Variants in NIBAN1 observed in about 807,000 individuals in gnomAD.
NIBAN1 encodes protein Niban 1.
Under a neutral mutation model 75.1 loss-of-function variants are expected in NIBAN1, and 81 were observed. The ratio of observed to expected loss-of-function variants is 1.08; its 90% confidence interval spans 0.90 to 1.30. The LOEUF is 1.30. Among genes scored for constraint, NIBAN1 ranks in the 50% most tolerant of loss-of-function variants. NIBAN1 has a pLI of 0.00. For missense variants in NIBAN1, 1,133 were observed against 1,128.1 expected, an observed-to-expected ratio of 1.00 and a Z score of -0.06; for synonymous variants, 436 against 424.8, an observed-to-expected ratio of 1.03 and a Z score of -0.32.
intron 3 of NIBAN1, among the ~76,000 whole-genome samples, chr1:184,890,617 G>A (rs889595726): frequency 2.6e-5 from 4 of 152,216 alleles, no homozygotes; most frequent in Admixed American, 6.5e-5. Flanking sequence ...CAGAATGCTT[G>A]GTGACTGATG....
chr1:184,808,005 A>G, intron 10 of NIBAN1, 69 bp downstream of exon 10: 8 of 1,562,118 alleles, frequency 5.1e-6, no homozygotes, highest in Non-Finnish European at 7.1e-6. Flanking sequence ...AGCTGGTCTC[A>G]CTGGCCAGCA....
At chr1:184,889,387 A>G (rs1457549048) in intron 4 of NIBAN1, among the ~76,000 whole-genome samples, 4 of 152,236 alleles carry the variant, frequency 2.6e-5, no homozygotes, top group Non-Finnish European at 1.5e-5. Context: ...TCTCCCAATT[A>G]TCTTTCCATG....
chr1:184,966,603 G>A (rs1371206036), intron 1 of NIBAN1, among the ~76,000 whole-genome samples: 1 of 152,190 alleles, frequency 6.6e-6, no homozygotes, highest in African/African-American at 2.4e-5. Context: ...AAGAGGTCTA[G>A]AACTGGGACG....
chr1:184,816,500 A>C (rs1268549689), intron 9 of NIBAN1, among the ~76,000 whole-genome samples: 9 of 152,228 alleles, frequency 5.9e-5, no homozygotes, highest in African/African-American at 2.2e-4. Flanking sequence ...AATTATTTTT[A>C]AACAAAATTT....
At chr1:184,915,819 G>T (rs1348541181) in intron 1 of NIBAN1, among the ~76,000 whole-genome samples, 3 of 152,196 alleles carry the variant, frequency 2.0e-5, no homozygotes, top group African/African-American at 7.2e-5. Flanking sequence ...CATAGCAAAG[G>T]CTTCCTTAAT....
rs114977752 is a variant in NIBAN1, at chr1:184,820,142, G to T, written c.986-1317C>A. Reference sequence around the variant, plus strand: ...AGAGTCTTCTAAAAATGACTTGCTTGACACTAAAGTGTAAAACTGTTTGTC... The same window carrying T: ...AGAGTCTTCTAAAAATGACTTGCTTTACACTAAAGTGTAAAACTGTTTGTC... On this transcript the variant is annotated intron_variant, in intron 8 of 13. Transcript: ENST00000367511. Among the ~76,000 whole-genome samples, 324 of 152,284 alleles carry T rather than the reference G, an allele frequency of 2.1e-3. 1 individual carries two copies. The highest frequency in any genetic ancestry group is 7.5e-3 in the African/African-American group (312 of 41,574).
At chr1:184,947,564 C>A (rs1658261850) in intron 1 of NIBAN1, among the ~76,000 whole-genome samples, 1 of 152,204 alleles carries the variant, frequency 6.6e-6, no homozygotes, top group African/African-American at 2.4e-5. Flanking sequence ...GCAATAATTT[C>A]TTAAAAGGCC....
intron 11 of NIBAN1, among the ~76,000 whole-genome samples, chr1:184,804,338 T>C (rs1008755129): frequency 1.3e-5 from 2 of 152,200 alleles, no homozygotes; most frequent in African/African-American, 4.8e-5. Context: ...GTGTTTATAC[T>C]GGAGATAATA....
chr1:184,964,565 G>A (rs1658730234), intron 1 of NIBAN1, among the ~76,000 whole-genome samples: 2 of 152,156 alleles, frequency 1.3e-5, no homozygotes, highest in Admixed American at 6.5e-5. Flanking sequence ...TCTGTGAAAC[G>A]GAGCTAATGA....
intron 5 of NIBAN1, among the ~76,000 whole-genome samples, chr1:184,842,583 G>A (rs1016813942): frequency 3.3e-5 from 5 of 151,970 alleles, no homozygotes; most frequent in Non-Finnish European, 7.4e-5. Context: ...GTGAAGCCCC[G>A]TCTCTACTAA....
chr1:184,858,098 C>T (rs1486998162), intron 5 of NIBAN1, among the ~76,000 whole-genome samples: 1 of 151,854 alleles, frequency 6.6e-6, no homozygotes, highest in Non-Finnish European at 1.5e-5. Flanking sequence ...CAAAATATAT[C>T]ATAATTAAAG....
chr1:184,969,442 C>G (rs912420847), intron 1 of NIBAN1, among the ~76,000 whole-genome samples: 11 of 152,134 alleles, frequency 7.2e-5, no homozygotes, highest in Non-Finnish European at 1.5e-4. Flanking sequence ...GCAACAAAGT[C>G]AAAAGATGGA....
intron 6 of NIBAN1, among the ~76,000 whole-genome samples, chr1:184,824,228 T>G (rs1359077914): frequency 2.6e-5 from 4 of 152,146 alleles, no homozygotes; most frequent in African/African-American, 9.7e-5. Context: ...TCGTCCCCAC[T>G]GTCCCCCAAG....
intron 4 of NIBAN1, among the ~76,000 whole-genome samples, chr1:184,886,399 A>G (rs892868456): frequency 1.9e-4 from 29 of 152,204 alleles, no homozygotes; most frequent in African/African-American, 6.0e-4. Flanking sequence ...ATAGCTTTGT[A>G]TCCTTAGCCC....
intron 2 of NIBAN1, among the ~76,000 whole-genome samples, chr1:184,896,579 G>C (rs1165094899): frequency 1.3e-5 from 2 of 151,798 alleles, no homozygotes; most frequent in Non-Finnish European, 2.9e-5. Flanking sequence ...TGTTTTTGTT[G>C]CATTTGTTTT....
intron 1 of NIBAN1, among the ~76,000 whole-genome samples, chr1:184,912,180 A>G (rs1215881040): frequency 6.6e-6 from 1 of 152,182 alleles, no homozygotes; most frequent in Admixed American, 6.6e-5. Context: ...ACACACATGT[A>G]CATGGTATAT....
In NIBAN1 at chr1:184,882,913, G is replaced by T. The variant is rs1359876445; in HGVS notation, c.601+1720C>A. ...CTAGAACATCAAAAACACAAGGCAA[G>T]ATTTTAATAAGGGTATCATTTTTTT... is the stretch of plus-strand genomic sequence containing the variant. On this transcript the variant is annotated intron_variant, in intron 5 of 13. Transcript: ENST00000367511. Among the ~76,000 whole-genome samples the T allele has an allele frequency of 2.0e-5, 3 of 152,180 alleles. No homozygotes were observed. The East Asian group carries it at 5.8e-4, about 29-fold the overall frequency.
At chr1:184,837,326 C>A (rs1329534017) in intron 5 of NIBAN1, among the ~76,000 whole-genome samples, 2 of 152,182 alleles carry the variant, frequency 1.3e-5, no homozygotes, top group East Asian at 1.9e-4. Context: ...ACTCTTCCAG[C>A]GTGCTATAAT....
chr1:184,823,568 C>A (rs1027864287), intron 7 of NIBAN1, 70 bp downstream of exon 7: 3 of 1,528,262 alleles, frequency 2.0e-6, no homozygotes, highest in Admixed American at 1.7e-5. Context: ...ACAACAAATG[C>A]CCTAAAAGAA....
Sources: allele counts gnomAD v4.1 joint callset (sites outside exome capture counted in the v4.1 genomes callset), GRCh38; gene constraint gnomAD v4.1.1; transcripts MANE v1.5; gene names NCBI Gene and HGNC (gene_info 2026-07-23, HGNC 2026-07-21).